Variants in OCIAD1 observed in about 807,000 individuals in gnomAD.
OCIAD1 encodes the protein OCIA domain containing 1.
Under a neutral mutation model 38.9 loss-of-function variants are expected in OCIAD1, and 29 were observed. The observed-to-expected ratio is 0.74, with a 90% confidence interval of 0.55 to 1.02. OCIAD1 has a LOEUF of 1.02. OCIAD1 is among the 50% of genes least tolerant of loss of function. The pLI, the probability that OCIAD1 is intolerant of heterozygous loss-of-function variation, is 0.00. For missense variants in OCIAD1, 288 were observed against 289.6 expected (o/e 0.99, Z 0.04); for synonymous variants, 110 against 92.0 (o/e 1.20, Z -1.12).
chr4:48,852,086 A>G, intron 7 of OCIAD1, 111 bp downstream of exon 7: 1 of 764,484 alleles, frequency 1.3e-6, no homozygotes, highest in Non-Finnish European at 2.1e-6. Context: ...ACCATCAATC[A>G]TCAACCTAAA....
At chr4:48,858,593 A>G (rs1234298431) in intron 8 of OCIAD1, among the ~76,000 whole-genome samples, 1 of 152,154 alleles carries the variant, frequency 6.6e-6, no homozygotes, top group Non-Finnish European at 1.5e-5. Flanking sequence ...AGCTGGGACT[A>G]CAGTTGTATG....
intron 5 of OCIAD1, 132 bp downstream of exon 5, chr4:48,848,578 G>A (rs1198821791): frequency 2.4e-6 from 1 of 423,294 alleles, no homozygotes; most frequent in African/African-American, 2.1e-5. Context: ...GTTTGTTAAA[G>A]CATTTCATTA....
intron 1 of OCIAD1, among the ~76,000 whole-genome samples, chr4:48,825,258 C>T (rs1370298899): frequency 6.6e-6 from 1 of 152,154 alleles, no homozygotes; most frequent in African/African-American, 2.4e-5. Flanking sequence ...CCTTGTGCCC[C>T]CACTCTACTA....
chr4:48,823,054 G>A (rs1777209384), intron 1 of OCIAD1, among the ~76,000 whole-genome samples: 1 of 152,086 alleles, frequency 6.6e-6, no homozygotes, highest in Non-Finnish European at 1.5e-5. Flanking sequence ...AAACCCAAAG[G>A]ATTATAAATC....
At chr4:48,838,304 C>T (rs1356585221) in intron 3 of OCIAD1, among the ~76,000 whole-genome samples, 3 of 145,636 alleles carry the variant, frequency 2.1e-5, no homozygotes, top group Non-Finnish European at 3.0e-5. Flanking sequence ...GGCGACAGAG[C>T]GAGACTCCAT....
intron 1 of OCIAD1, among the ~76,000 whole-genome samples, chr4:48,806,032 C>T (rs1258106914): frequency 1.3e-5 from 2 of 152,092 alleles, no homozygotes; most frequent in Non-Finnish European, 2.9e-5. Flanking sequence ...TTTGGGAGGC[C>T]GAGGCAGGCA....
chr4:48,814,811 T>C (rs1777128988), intron 1 of OCIAD1, among the ~76,000 whole-genome samples: 2 of 152,198 alleles, frequency 1.3e-5, no homozygotes, highest in African/African-American at 4.8e-5. Flanking sequence ...AGGTACTTTA[T>C]AACTTTATAT....
intron 5 of OCIAD1, 27 bp downstream of exon 5, chr4:48,848,473 C>A (rs755445442): frequency 1.7e-6 from 2 of 1,180,454 alleles, no homozygotes; most frequent in Non-Finnish European, 2.4e-6. Context: ...TTGTAGTTTT[C>A]ATAGCTTTTT....
At chr4:48,827,721 G>A (rs1777264238), upstream of OCIAD1, among the ~76,000 whole-genome samples, 1 of 152,224 alleles carries the variant, frequency 6.6e-6, no homozygotes, top group African/African-American at 2.4e-5. Flanking sequence ...TGAGAAATTA[G>A]GGGGCAACAG....
chr4:48,832,856 G>T, intron 2 of OCIAD1, 174 bp downstream of exon 2: 1 of 607,714 alleles, frequency 1.6e-6, no homozygotes. Flanking sequence ...TTTGGATAAG[G>T]AGTCCCACGT....
intron 1 of OCIAD1, 100 bp from the exon 2 acceptor site, chr4:48,832,520 G>A: frequency 1.2e-6 from 1 of 824,728 alleles, no homozygotes; most frequent in Non-Finnish European, 2.1e-6. Context: ...TTGATTGATT[G>A]CTGTGTAGAC....
Position 48,831,369 on chromosome 4 carries a change from C to T in OCIAD1, c.-6+120C>T, listed in dbSNP as rs548090827. Reference sequence around the variant, plus strand: ...TTCCTGCCTGTGAGGGTGGACAGATCGCGCTCGGGTCTCGGCCTCCTGAGT... The same window carrying T: ...TTCCTGCCTGTGAGGGTGGACAGATTGCGCTCGGGTCTCGGCCTCCTGAGT... On this transcript the variant is annotated intron_variant, in intron 1 of 8. Transcript: ENST00000264312. 1.6e-4 allele frequency: 92 copies of T among 578,936 alleles called. 2 individuals carry two copies. The highest frequency in any genetic ancestry group is 1.4e-3 in the South Asian group (90 of 65,096). 35.9% of individuals were successfully genotyped at this position (578,936 alleles called of 1,614,324 possible).
intron 1 of OCIAD1, among the ~76,000 whole-genome samples, chr4:48,810,850 T>A (rs7698768): frequency 0.98 from 147,744 of 150,468 alleles, 72,593 homozygotes; most frequent in East Asian, 1. Flanking sequence ...GGATGGGAGA[T>A]AAAGAAGAGA....
intron 4 of OCIAD1, 45 bp downstream of exon 4, chr4:48,842,734 G>GT: frequency 9.6e-7 from 1 of 1,046,714 alleles, no homozygotes; most frequent in Non-Finnish European, 1.4e-6. Context: ...TGGATACCAT[G>GT]TTTGTTTTGT....
At chr4:48,847,965 G>A (rs1478714343) in intron 4 of OCIAD1, among the ~76,000 whole-genome samples, 2 of 151,704 alleles carry the variant, frequency 1.3e-5, no homozygotes, top group Non-Finnish European at 2.9e-5. Flanking sequence ...AGAATATTGG[G>A]TCTTTCAATT....
chr4:48,843,250 T>C (rs1242519382), intron 4 of OCIAD1, among the ~76,000 whole-genome samples: 10 of 152,190 alleles, frequency 6.6e-5, no homozygotes, highest in Admixed American at 5.2e-4. Context: ...AGTAGTGGAA[T>C]TGAGTTTAGA....
intron 1 of OCIAD1, among the ~76,000 whole-genome samples, chr4:48,825,904 C>A (rs1210026821): frequency 4.6e-5 from 7 of 151,942 alleles, no homozygotes; most frequent in Non-Finnish European, 1.0e-4. Flanking sequence ...GTAGTACAAT[C>A]TTGGCTCACT....
chr4:48,836,445 C>G (rs1430545794), intron 3 of OCIAD1, among the ~76,000 whole-genome samples: 1 of 152,170 alleles, frequency 6.6e-6, no homozygotes, highest in African/African-American at 2.4e-5. Context: ...GTTTTGAGTT[C>G]ATGGTGCAAC....
chr4:48,821,106 A>T (rs1777190905), intron 1 of OCIAD1, among the ~76,000 whole-genome samples: 1 of 152,186 alleles, frequency 6.6e-6, no homozygotes, highest in South Asian at 2.1e-4. Context: ...AAAAAAGAAA[A>T]TTTCTGGCCA....
Sources: gnomAD v4.1 joint callset for allele counts (sites outside exome capture counted in the v4.1 genomes callset) on GRCh38, gnomAD v4.1.1 for gene constraint, MANE v1.5 for transcripts, NCBI Gene and HGNC (gene_info 2026-07-23, HGNC 2026-07-21) for gene names.